ATG2B: variants seen among roughly 807,000 people sequenced by gnomAD.
ATG2B encodes the protein autophagy related 2B.
In ATG2B, 121 loss-of-function variants were observed where a neutral mutation model predicts 241.3. That is an observed-to-expected ratio of 0.50 (90% confidence interval 0.43 to 0.58). ATG2B has a LOEUF of 0.58. Ranked by LOEUF, ATG2B falls within the 20% of genes least tolerant of loss-of-function variation. The pLI is 0.00. For synonymous variants in ATG2B, 858 were observed against 876.6 expected (o/e 0.98, Z 0.37); for missense variants, 2,306 against 2,491.6 (o/e 0.93, Z 1.59).
At chr14:96,328,268 C>G in intron 14 of ATG2B, 79 bp downstream of exon 14, 1 of 980,966 alleles carries the variant, frequency 1.0e-6, no homozygotes, top group Non-Finnish European at 1.5e-6. Flanking sequence ...ATTAAAAATA[C>G]TTAAGTTCAG....
At position 96,333,816 on chromosome 14, in the gene ATG2B, T is replaced by C. The variant is rs1231665539; in HGVS notation, c.1079A>G (p.Gln360Arg). Residue 360 changes from glutamine to arginine, a missense_variant, in exon 8 of 42, where the codon CAG (glutamine) becomes CGG (arginine). By Grantham distance (43) the Gln-to-Arg change is conservative. Transcript: ENST00000359933. ...NKDRKNRPMQQEDEYRIQMEL... is the reference protein window; with the variant it reads ...NKDRKNRPMQREDEYRIQMEL... ...CATCTGAATTCGATACTCGTCTTCC[T>C]GCTGCATGGGTCGATTTTTCCTATC... 1 of 1,613,974 alleles carries C rather than the reference T, an allele frequency of 6.2e-7. No homozygotes were observed. Among genetic ancestry groups the C allele is most frequent in the Non-Finnish European group, 8.5e-7 (1 of 1,179,896 alleles).
rs11442341 is a variant in ATG2B at position 96,313,681 on chromosome 14, A to AT, written c.3643-247dup. ...GACTACAATAGGCATTTTACTATGC[A>AT]TATCAAGACATGTTATTCACCTTAT... On this transcript the variant is annotated intron_variant, in intron 23 of 41. Transcript: ENST00000359933. Among the ~76,000 whole-genome samples the AT allele has an allele frequency of 0.21, 31,909 of 152,118 alleles. 4,187 individuals carry two copies. Among genetic ancestry groups the AT allele is most frequent in the Non-Finnish European group, 0.28 (19,088 of 67,944 alleles).
intron 4 of ATG2B, 39 bp from the exon 5 acceptor site, chr14:96,343,320 G>C (rs906717726): frequency 6.0e-6 from 9 of 1,492,982 alleles, no homozygotes; most frequent in Non-Finnish European, 7.2e-6. Context: ...AAAGCTCCTA[G>C]GGGTGCAGCG....
At chr14:96,312,595 T>C (rs1887191384) in intron 25 of ATG2B, among the ~76,000 whole-genome samples, 1 of 151,916 alleles carries the variant, frequency 6.6e-6, no homozygotes, top group Admixed American at 6.6e-5. Flanking sequence ...AAAACTTTTT[T>C]TTTAATCAGC....
rs200831020 is a variant in ATG2B at position 96,331,520 on chromosome 14, G to C, written c.1586C>G (p.Thr529Arg). 1.2e-6 allele frequency: 2 copies of C among 1,614,082 alleles called. No individual in the cohort carries two copies. Residue 529 changes from threonine (T) to arginine (R), a missense_variant, in exon 11 of 42, where the codon ACG (threonine) becomes AGG (arginine). Transcript: ENST00000359933. ...LHIDPLSPPETSQNLNPLTPM... is the reference protein window; with the variant it reads ...LHIDPLSPPERSQNLNPLTPM... Reference sequence around the variant, plus strand: ...TGTCAATGGATTAAGGTTCTGTGACGTTTCAGGTGGAGATAAAGGATCAAT... The same window carrying C: ...TGTCAATGGATTAAGGTTCTGTGACCTTTCAGGTGGAGATAAAGGATCAAT...
chr14:96,332,238 G>C, intron 10 of ATG2B, 67 bp downstream of exon 10: 2 of 1,203,954 alleles, frequency 1.7e-6, no homozygotes, highest in Non-Finnish European at 2.4e-6. Context: ...AGAAAGAAAA[G>C]CACCAGTAGA....
chr14:96,358,754 C>T (rs1373860649), intron 1 of ATG2B, among the ~76,000 whole-genome samples: 2 of 144,492 alleles, frequency 1.4e-5, no homozygotes, highest in Non-Finnish European at 3.1e-5. Context: ...CCAGTCCTAT[C>T]AAGTATTTTT....
At chr14:96,307,017 A>G in intron 29 of ATG2B, 101 bp from the exon 30 acceptor site, 1 of 944,906 alleles carries the variant, frequency 1.1e-6, no homozygotes, top group Admixed American at 2.5e-5. Flanking sequence ...TTTACCTGCA[A>G]TATCTCATTT....
intron 24 of ATG2B, 50 bp downstream of exon 24, chr14:96,313,279 T>G: frequency 7.0e-7 from 1 of 1,436,834 alleles, no homozygotes; most frequent in Non-Finnish European, 9.6e-7. Flanking sequence ...TTTTTCAAAA[T>G]TTAGTAGCAT....
chr14:96,294,699 A>AG (rs2139840010), intron 36 of ATG2B, among the ~76,000 whole-genome samples: 1 of 152,336 alleles, frequency 6.6e-6, no homozygotes, highest in South Asian at 2.1e-4. Flanking sequence ...GACAGAGGAG[A>AG]GAAAAAGAAG....
Position 96,282,519 on chromosome 14 carries a change from TCA to T in ATG2B, c.*3234_*3235del, listed in dbSNP as rs1228356346. 1 of 152,258 alleles carries T rather than the reference TCA, an allele frequency of 6.6e-6. No individual in the cohort carries two copies. The highest frequency in any genetic ancestry group is 2.4e-5 in the African/African-American group (1 of 41,458). 9.4% of individuals were successfully genotyped at this position (152,258 alleles called of 1,614,324 possible). On this transcript the variant is annotated 3_prime_UTR_variant, in exon 42 of 42. Transcript: ENST00000359933. Reference sequence around the variant, plus strand: ...GCAGAGGGATCTCTCAGACGCCAAGTCACACAGCTCTTTACACATTGAAAATC... The same window carrying T: ...GCAGAGGGATCTCTCAGACGCCAAGTCACAGCTCTTTACACATTGAAAATC...
chr14:96,326,448 A>T (rs1175633659), intron 14 of ATG2B, among the ~76,000 whole-genome samples: 1 of 152,176 alleles, frequency 6.6e-6, no homozygotes, highest in Non-Finnish European at 1.5e-5. Context: ...AATATTCACT[A>T]AATGACGCAC....
chr14:96,325,094 G>A (rs773738221), intron 15 of ATG2B, among the ~76,000 whole-genome samples: 1 of 152,140 alleles, frequency 6.6e-6, no homozygotes, highest in East Asian at 1.9e-4. Context: ...AAAGTCACTA[G>A]CGATTAGTTA....
At chr14:96,307,842 A>C (rs1886996232) in intron 29 of ATG2B, among the ~76,000 whole-genome samples, 1 of 152,150 alleles carries the variant, frequency 6.6e-6, no homozygotes. Context: ...ATGTGCACCA[A>C]AATCTGCATG....
chr14:96,291,138 T>C (rs1296489145), intron 38 of ATG2B, among the ~76,000 whole-genome samples: 1 of 152,178 alleles, frequency 6.6e-6, no homozygotes, highest in Non-Finnish European at 1.5e-5. Flanking sequence ...TCTCTAAATA[T>C]ACATATACAT....
At position 96,328,696 on chromosome 14, in the gene ATG2B, T is replaced by C; in HGVS notation, c.1952A>G (p.His651Arg). 1.2e-6 allele frequency: 2 copies of C among 1,610,032 alleles called. No homozygotes were observed. Among genetic ancestry groups the C allele is most frequent in the Non-Finnish European group, 1.7e-6 (2 of 1,178,782 alleles). ...SPVCLQLHYK[H>R]SENRGPQGNQ... The stretch of plus-strand genomic sequence containing the variant: ...TACCTGGGGCCCTCTATTCTCAGAA[T>C]GCTTATAATGAAGCTGAAGACACAC... Residue 651 changes from histidine (H) to arginine (R), a missense_variant, in exon 13 of 42, where the codon CAT (histidine) becomes CGT (arginine). His to Arg is a conservative substitution (Grantham distance 29, BLOSUM62 0). Coordinates refer to ENST00000359933, the MANE Select transcript of ATG2B (RefSeq NM_018036.7).
intron 28 of ATG2B, among the ~76,000 whole-genome samples, chr14:96,310,822 T>C (rs1177552004): frequency 6.6e-6 from 1 of 152,202 alleles, no homozygotes; most frequent in African/African-American, 2.4e-5. Flanking sequence ...AACAAGCTTT[T>C]GCATGATAAA....
chr14:96,312,943 A>C (rs1035718613), intron 25 of ATG2B, 122 bp downstream of exon 25: 1 of 546,500 alleles, frequency 1.8e-6, no homozygotes, highest in Non-Finnish European at 3.1e-6. Flanking sequence ...GTAAAAGGTT[A>C]TAACTATTAG....
intron 34 of ATG2B, among the ~76,000 whole-genome samples, chr14:96,297,010 G>A (rs896659121): frequency 6.6e-5 from 10 of 152,088 alleles, no homozygotes; most frequent in Non-Finnish European, 7.4e-5. Context: ...TTCGTCAGTA[G>A]TGGAAATATT....
Sources: gnomAD v4.1 joint callset for allele counts (sites outside exome capture counted in the v4.1 genomes callset) on GRCh38, gnomAD v4.1.1 for gene constraint, MANE v1.5 for transcripts, NCBI Gene and HGNC (gene_info 2026-07-23, HGNC 2026-07-21) for gene names.